The following SEC24A variants were observed in gnomAD, a reference collection of about 807,000 sequenced individuals.
The protein encoded by SEC24A is protein transport protein Sec24A.
SEC24A carries 93 observed loss-of-function variants against 129.4 expected under a neutral mutation model. That is an observed-to-expected ratio of 0.72 (90% CI 0.61 to 0.85). SEC24A has a LOEUF of 0.85. SEC24A is among the 40% of genes least tolerant of loss of function. SEC24A has a pLI of 0.00. For synonymous variants in SEC24A, 460 were observed against 467.3 expected (o/e 0.98, Z 0.20); for missense variants, 1,264 against 1,307.4 (o/e 0.97, Z 0.51).
chr5:134,705,090 A>ATATATTTT (rs1180461537), intron 16 of SEC24A, among the ~76,000 whole-genome samples: 11 of 123,300 alleles, frequency 8.9e-5, no homozygotes, highest in African/African-American at 3.0e-4. Context: ...ATATATATAT[A>ATATATTTT]TTTTTTTTTT....
At position 134,648,953 on chromosome 5, in the gene SEC24A, CCCT is replaced by C; in HGVS notation, c.-122_-120del. 1.5e-6 allele frequency: 1 copy of C among 645,510 alleles called. No individual in the cohort carries two copies. Among genetic ancestry groups the C allele is most frequent in the Non-Finnish European group, 2.7e-6 (1 of 374,386 alleles). 40.0% of individuals were successfully genotyped at this position (645,510 alleles called of 1,614,324 possible). A position where few individuals can be genotyped will look rare whatever the true frequency, so the allele number is the denominator to read the frequency against. The stretch of plus-strand genomic sequence containing the variant: ...CATGCCTCGGGCTTAATGCGCCCCC[CCCT>C]CTTCTCCCAGTCTTCAGTCTTAAGT... On this transcript the variant is annotated 5_prime_UTR_variant, in exon 1 of 23. Transcript: ENST00000398844.
At position 134,712,970 on chromosome 5, in the gene SEC24A, C is replaced by G. The variant is rs1348671900; in HGVS notation, c.2728-2054C>G. ...TTTTTGAGACAGAGTCTCGCTCTGT[C>G]GCCTAGGCTGGAGTGCAGTGGCGCA... On this transcript the variant is annotated intron_variant, in intron 18 of 22. Transcript: ENST00000398844. 2.7e-5 allele frequency among the ~76,000 whole-genome samples: 3 copies of G among 112,078 alleles called. No individual in the cohort carries two copies. In the South Asian group the frequency reaches 9.0e-4, roughly 34 times the overall value. 73.5% of individuals were successfully genotyped at this position (112,078 alleles called of 152,430 possible).
At chr5:134,668,780 C>T (rs1334323766) in intron 3 of SEC24A, among the ~76,000 whole-genome samples, 1 of 151,614 alleles carries the variant, frequency 6.6e-6, no homozygotes, top group Non-Finnish European at 1.5e-5. Context: ...CCTGTAATCC[C>T]AGCTACTCGG....
At chr5:134,686,239 CTT>C (rs796933781) in intron 9 of SEC24A, among the ~76,000 whole-genome samples, 10 of 144,606 alleles carry the variant, frequency 6.9e-5, no homozygotes, top group Admixed American at 7.0e-5. Flanking sequence ...AGAATCCCTT[CTT>C]TTTTTTTTTT....
chr5:134,712,112 G>A (rs994432279), intron 18 of SEC24A, among the ~76,000 whole-genome samples: 7 of 152,016 alleles, frequency 4.6e-5, no homozygotes, highest in Non-Finnish European at 1.0e-4. Flanking sequence ...GATTATAGGC[G>A]TGAGCTACCA....
rs1751714599 is a variant in SEC24A at position 134,693,157 on chromosome 5, A to G, written c.1779+500A>G. On this transcript the variant is annotated intron_variant, in intron 12 of 22. Coordinates refer to ENST00000398844, the MANE Select transcript of SEC24A (RefSeq NM_021982.3). ...TGTTGTCTACCCTGTACATGCATAT[A>G]TGCCGTAGGGGTAACATTTTAACTA... 4 of 1,535,380 alleles carry G rather than the reference A, an allele frequency of 2.6e-6. No individual in the cohort carries two copies. In the South Asian group the frequency reaches 4.8e-5, roughly 18 times the overall value.
chr5:134,694,571 C>T (rs1388122453), intron 13 of SEC24A, among the ~76,000 whole-genome samples: 3 of 151,252 alleles, frequency 2.0e-5, no homozygotes, highest in African/African-American at 4.9e-5. Context: ...GGCGTGAACC[C>T]GGGAGGCGGA....
At chr5:134,658,158 T>C (rs1306862504) in intron 1 of SEC24A, among the ~76,000 whole-genome samples, 1 of 151,964 alleles carries the variant, frequency 6.6e-6, no homozygotes, top group Non-Finnish European at 1.5e-5. Context: ...TCCTAGCTAC[T>C]CGAGAGGCTG....
rs1752773419 is a variant in SEC24A at position 134,727,161 on chromosome 5, T to TC, written c.*2072dup. On this transcript the variant is annotated 3_prime_UTR_variant, in exon 23 of 23. Coordinates refer to ENST00000398844, the MANE Select transcript of SEC24A (RefSeq NM_021982.3). ...GTTTTTTAGTTTGATTCTTTTTTTT[T>TC]CCCCCAATAGGGCACTACCTGCCAT... 1 of 152,410 alleles carries TC rather than the reference T, an allele frequency of 6.6e-6. No individual in the cohort carries two copies. Among genetic ancestry groups the TC allele is most frequent in the Non-Finnish European group, 1.5e-5 (1 of 67,962 alleles). 9.4% of individuals were successfully genotyped at this position (152,410 alleles called of 1,614,324 possible).
At chr5:134,681,442 T>TAG (rs1403955952) in intron 8 of SEC24A, among the ~76,000 whole-genome samples, 3 of 143,788 alleles carry the variant, frequency 2.1e-5, no homozygotes, top group African/African-American at 7.6e-5. Context: ...GTTTTATTGT[T>TAG]TGTGTGTGTG....
chr5:134,672,897 G>A (rs1430352156), intron 4 of SEC24A, among the ~76,000 whole-genome samples: 2 of 151,664 alleles, frequency 1.3e-5, no homozygotes, highest in Non-Finnish European at 1.5e-5. Context: ...TACCATGCCA[G>A]GCTAGTTTTT....
At chr5:134,667,995 C>T (rs1160710027) in intron 3 of SEC24A, among the ~76,000 whole-genome samples, 1 of 152,056 alleles carries the variant, frequency 6.6e-6, no homozygotes, top group Non-Finnish European at 1.5e-5. Context: ...AGGCAGATCA[C>T]TTGAGGTCAG....
At chr5:134,667,347 T>C (rs1214343294) in intron 3 of SEC24A, among the ~76,000 whole-genome samples, 1 of 152,074 alleles carries the variant, frequency 6.6e-6, no homozygotes, top group Admixed American at 6.6e-5. Context: ...ATATTGACCT[T>C]TTTCATTCAA....
At chr5:134,700,698 T>C (rs1751979360) in intron 15 of SEC24A, among the ~76,000 whole-genome samples, 3 of 151,456 alleles carry the variant, frequency 2.0e-5, no homozygotes, top group Admixed American at 2.0e-4. Context: ...TCTAATAGTT[T>C]TTATTTATTT....
intron 21 of SEC24A, among the ~76,000 whole-genome samples, chr5:134,723,235 G>A (rs1480928929): frequency 6.6e-6 from 1 of 152,122 alleles, no homozygotes; most frequent in Non-Finnish European, 1.5e-5. Context: ...GGAGGCCGAG[G>A]CAGGTGTATC....
chr5:134,683,455 G>C (rs746601644), intron 9 of SEC24A, among the ~76,000 whole-genome samples: 4 of 151,850 alleles, frequency 2.6e-5, no homozygotes, highest in Non-Finnish European at 5.9e-5. Context: ...TTCTACACCC[G>C]TGAGAATATC....
At chr5:134,694,445 G>T (rs552606824) in intron 13 of SEC24A, among the ~76,000 whole-genome samples, 9 of 151,918 alleles carry the variant, frequency 5.9e-5, no homozygotes, top group Non-Finnish European at 1.2e-4. Flanking sequence ...GGATCACGAG[G>T]TCAGGAGATC....
intron 1 of SEC24A, among the ~76,000 whole-genome samples, chr5:134,656,101 A>G (rs1320618936): frequency 1.5e-5 from 1 of 65,014 alleles, no homozygotes; most frequent in Admixed American, 1.7e-4. Flanking sequence ...TTTTTTTTTT[A>G]AGACAGAGTC....
intron 13 of SEC24A, among the ~76,000 whole-genome samples, chr5:134,696,633 G>A (rs577838883): frequency 1.3e-5 from 2 of 152,002 alleles, no homozygotes; most frequent in South Asian, 4.2e-4. Flanking sequence ...CGAGTAGCTG[G>A]GACTACAGGC....
Sources: allele counts gnomAD v4.1 joint callset (sites outside exome capture counted in the v4.1 genomes callset), GRCh38; gene constraint gnomAD v4.1.1; transcripts MANE v1.5; gene names NCBI Gene and HGNC (gene_info 2026-07-23, HGNC 2026-07-21).